The following CCDC9 variants were observed in gnomAD, a reference collection of about 807,000 sequenced individuals.
CCDC9 encodes the protein coiled-coil domain containing 9.
In CCDC9, 52 loss-of-function variants were observed where a neutral mutation model predicts 65.6. The ratio of observed to expected loss-of-function variants is 0.79; its 90% CI spans 0.63 to 1.00. The LOEUF (loss-of-function observed/expected upper bound fraction) is 1.00, where lower values mean the gene tolerates loss of function less well. Among genes scored for constraint, CCDC9 ranks in the 50% least tolerant of loss-of-function variants. The probability of loss-of-function intolerance (pLI) is 0.00; values close to 1 mark genes in which losing one functional copy is unlikely to be tolerated. For synonymous variants in CCDC9, 332 were observed against 280.3 expected, an observed-to-expected ratio of 1.18 and a Z score of -1.84; for missense variants, 834 against 757.2, an observed-to-expected ratio of 1.10 and a Z score of -1.19.
downstream of CCDC9, chr19:47,274,392 C>T (rs181090977): frequency 5.6e-3 from 844 of 150,308 alleles, 3 homozygotes; most frequent in Non-Finnish European, 7.5e-3. Context: ...GTCGGGGTGT[C>T]GCGCGGGAAC....
At chr19:47,264,073 G>C (rs115427973) in intron 5 of CCDC9, among the ~76,000 whole-genome samples, 1,521 of 151,806 alleles carry the variant, frequency 0.01, 28 homozygotes, top group African/African-American at 0.035. Context: ...GTGAGATGGG[G>C]TTTCCCCATG....
downstream of CCDC9, chr19:47,275,521 C>T (rs867147443): frequency 6.9e-6 from 6 of 870,002 alleles, no homozygotes; most frequent in Non-Finnish European, 6.8e-6. Context: ...GGGGCCTTGC[C>T]TCTTGCAGCT....
At chr19:47,256,668 G>C (rs1432225969) in intron 1 of CCDC9, 59 bp downstream of exon 1, 2 of 151,780 alleles carry the variant, frequency 1.3e-5, no homozygotes, top group Non-Finnish European at 2.9e-5. Flanking sequence ...GAAGCCCCAC[G>C]TGGCGGGGAG....
chr19:47,264,417 A>G (rs2059066838), intron 5 of CCDC9, among the ~76,000 whole-genome samples, 186 bp from the exon 6 acceptor site: 1 of 152,244 alleles, frequency 6.6e-6, no homozygotes, highest in Non-Finnish European at 1.5e-5. Flanking sequence ...TTGTTCGCAT[A>G]GTCCAAGCCT....
intron 8 of CCDC9, 115 bp from the exon 9 acceptor site, chr19:47,270,292 G>T: frequency 1.0e-6 from 1 of 990,258 alleles, no homozygotes. Flanking sequence ...AGTGTCCCCT[G>T]TCTGGTTGAC....
Position 47,270,180 on chromosome 19 carries a change from G to A in CCDC9, c.903-227G>A, listed in dbSNP as rs567492555. On this transcript the variant is annotated intron_variant, in intron 8 of 11. Coordinates refer to ENST00000221922, the MANE Select transcript of CCDC9 (RefSeq NM_015603.3). The stretch of plus-strand genomic sequence containing the variant: ...GGTGGGGCTTCACCATGTTCACCAC[G>A]CTGGTCTTGAACTCCTGGGCTCAAG... 4.6e-5 allele frequency among the ~76,000 whole-genome samples: 7 copies of A among 152,016 alleles called. No homozygotes were observed. The East Asian group carries it at 9.7e-4, about 21-fold the overall frequency.
chr19:47,275,426 T>C, downstream of CCDC9: 1 of 1,477,816 alleles, frequency 6.8e-7, no homozygotes, highest in Non-Finnish European at 9.0e-7. Flanking sequence ...CGTCTCTGGA[T>C]TGGTCCGGCC....
chr19:47,270,792 C>T (rs1285279987), intron 10 of CCDC9, 104 bp downstream of exon 10: 1 of 1,320,068 alleles, frequency 7.6e-7, no homozygotes, highest in Admixed American at 2.6e-5. Flanking sequence ...CTGTCCCTGT[C>T]TTTGTCTTGG....
At chr19:47,272,611 G>T (rs183510601), downstream of CCDC9, among the ~76,000 whole-genome samples, 4 of 152,284 alleles carry the variant, frequency 2.6e-5, no homozygotes, top group Admixed American at 2.6e-4. Context: ...GACAGAGCAA[G>T]ACTCCGTCTC....
intron 8 of CCDC9, among the ~76,000 whole-genome samples, chr19:47,267,038 C>T (rs2059086964): frequency 6.6e-6 from 1 of 151,314 alleles, no homozygotes; most frequent in Admixed American, 6.6e-5. Context: ...GATCTCGGCT[C>T]ACCGCAAGCT....
rs1485115012 is a variant in CCDC9 at position 47,271,422 on chromosome 19, C to T, written c.1340C>T (p.Ala447Val). Reference sequence around the variant, plus strand: ...GAAGAAGGTGATGAGGAGGAACCAGCCCAAGACCACCAAGCCCCAGAGGCT... The same window carrying T: ...GAAGAAGGTGATGAGGAGGAACCAGTCCAAGACCACCAAGCCCCAGAGGCT... ...EVEEGDEEEP[A>V]QDHQAPEAAP... The change falls in exon 12 of 12, where the codon GCC becomes GTC. Residue 447 changes from alanine to valine, a missense_variant. Coordinates refer to ENST00000221922, the MANE Select transcript of CCDC9 (RefSeq NM_015603.3). 1.9e-6 allele frequency: 3 copies of T among 1,613,946 alleles called. No individual in the cohort carries two copies. The highest frequency in any genetic ancestry group is 1.7e-5 in the Admixed American group (1 of 60,022).
At chr19:47,274,787 G>A (rs2059145625), downstream of CCDC9, 2 of 444,446 alleles carry the variant, frequency 4.5e-6, no homozygotes, top group East Asian at 1.3e-4. Context: ...TCGCGTGGGG[G>A]CGTGACCATG....
downstream of CCDC9, chr19:47,275,435 C>T (rs571857164): frequency 5.2e-5 from 75 of 1,443,172 alleles, no homozygotes; most frequent in Admixed American, 1.4e-3. Context: ...ATTGGTCCGG[C>T]CTTCTTCCTA....
chr19:47,274,733 GGCGGAGGCTGGAGGGGGTGGGCCTAGGAT>G (rs1476851652), downstream of CCDC9: 28 of 299,590 alleles, frequency 9.3e-5, no homozygotes, highest in Non-Finnish European at 1.6e-4. Flanking sequence ...TCGGTGGTGG[GGCGGAGGCTGGAGGGGGTGGGCCTAGGAT>G]GCGGAGGCGG....
rs753262442 is a variant in CCDC9 at position 47,260,678 on chromosome 19, G to A, written c.301G>A (p.Gly101Ser). Residue 101 changes from glycine (G) to serine (S), a missense_variant, in exon 5 of 12, where the codon GGC (glycine) becomes AGC (serine). Physicochemically the swap from Gly to Ser is moderately conservative, Grantham distance 56. Transcript: ENST00000221922. Reference protein sequence around the residue: ...KGGRTPPQQGGRAGMGRASRS... With the variant: ...KGGRTPPQQGSRAGMGRASRS... ...GGGCCGGACTCCTCCACAGCAGGGA[G>A]GCCGGGCCGGCATGGGCCGAGCATC... 1.9e-6 allele frequency: 3 copies of A among 1,542,404 alleles called. No homozygotes were observed. The highest frequency in any genetic ancestry group is 1.9e-4 in the Middle Eastern group (1 of 5,248).
At chr19:47,273,337 T>C, downstream of CCDC9, 1 of 1,229,712 alleles carries the variant, frequency 8.1e-7, no homozygotes, top group Non-Finnish European at 1.0e-6. Flanking sequence ...CTCCGCTGAC[T>C]CAGCCCCTTC....
intron 1 of CCDC9, among the ~76,000 whole-genome samples, chr19:47,257,092 C>G (rs1277154814): frequency 1.4e-5 from 2 of 146,844 alleles, no homozygotes; most frequent in Non-Finnish European, 3.0e-5. Context: ...GGGGGTGGAG[C>G]CAGAAAGTTT....
At chr19:47,260,239 C>T in intron 3 of CCDC9, 82 bp from the exon 4 acceptor site, 2 of 1,007,022 alleles carry the variant, frequency 2.0e-6, no homozygotes, top group South Asian at 1.4e-5. Context: ...TGGGGCCAGA[C>T]TTAGGAGGAG....
Position 47,270,567 on chromosome 19 carries a change from G to T in CCDC9, c.964G>T (p.Ala322Ser). 1.9e-6 allele frequency: 3 copies of T among 1,614,086 alleles called. No homozygotes were observed. Among genetic ancestry groups the T allele is most frequent in the Non-Finnish European group, 2.5e-6 (3 of 1,180,038 alleles). The change falls in exon 10 of 12, where the codon GCC becomes TCC. Residue 322 changes from alanine (A) to serine (S), a missense_variant. By Grantham distance (99) the Ala-to-Ser change is moderately conservative. Coordinates refer to ENST00000221922, the MANE Select transcript of CCDC9 (RefSeq NM_015603.3). Reference sequence around the variant, plus strand: ...TTCTGTTGCAGATGACCAGGCCTGGGCCCGGCCCCCGAAGCCCCCTACTTT... The same window carrying T: ...TTCTGTTGCAGATGACCAGGCCTGGTCCCGGCCCCCGAAGCCCCCTACTTT... ...PSHRYDDQAW[A>S]RPPKPPTFGE...
Sources: gnomAD v4.1 joint callset for allele counts (sites outside exome capture counted in the v4.1 genomes callset) on GRCh38, gnomAD v4.1.1 for gene constraint, MANE v1.5 for transcripts, NCBI Gene and HGNC (gene_info 2026-07-23, HGNC 2026-07-21) for gene names.